Variants in CTNND1 observed in about 807,000 individuals in gnomAD.
The protein encoded by CTNND1 is catenin delta 1, also known as catenin delta-1.
CTNND1 carries 16 observed loss-of-function variants against 112.1 expected under a neutral mutation model. The ratio of observed to expected loss-of-function variants is 0.14; its 90% CI spans 0.10 to 0.22. The LOEUF is 0.22. Among genes scored for constraint, CTNND1 ranks in the 10% least tolerant of loss-of-function variants. CTNND1 has a pLI of 1.00. For synonymous variants in CTNND1, 420 were observed against 446.5 expected, an observed-to-expected ratio of 0.94 and a Z score of 0.75; for missense variants, 1,008 against 1,257.0, an observed-to-expected ratio of 0.80 and a Z score of 3.00.
intron 1 of CTNND1, among the ~76,000 whole-genome samples, chr11:57,787,864 T>G (rs1459736829): frequency 6.6e-6 from 1 of 152,252 alleles, no homozygotes. Context: ...CTAATGTTTC[T>G]CCAGATACTG....
intron 11 of CTNND1, 64 bp from the exon 12 acceptor site, chr11:57,806,851 C>T (rs1048642630): frequency 1.5e-6 from 2 of 1,354,804 alleles, no homozygotes; most frequent in Non-Finnish European, 2.1e-6. Context: ...AAAAATGTGC[C>T]AGGTGGAATC....
intron 1 of CTNND1, among the ~76,000 whole-genome samples, chr11:57,779,571 C>T (rs2059359134): frequency 6.6e-6 from 1 of 152,222 alleles, no homozygotes; most frequent in Non-Finnish European, 1.5e-5. Context: ...TGCTAACATA[C>T]CACTAGAACA....
chr11:57,761,955 C>G lies in CTNND1; in HGVS notation c.-378C>G. On this transcript the variant is annotated 5_prime_UTR_variant, in exon 1 of 21. The change creates a new upstream start codon in the 5' untranslated region. Transcript: ENST00000399050. ...AAAGGAGGAAGAGGTGGCGAAAAAT[C>G]AACTGCCCTGCTGGATTTGTCTTTC... 1.0e-6 allele frequency: 1 copy of G among 985,436 alleles called. No homozygotes were observed. Among genetic ancestry groups the G allele is most frequent in the Non-Finnish European group, 1.2e-6 (1 of 829,950 alleles). The allele number at this position is 985,436 out of a possible 1,614,324, so 61.0% of individuals were successfully genotyped here. A position where few individuals can be genotyped will look rare whatever the true frequency, so the allele number is the denominator to read the frequency against.
In CTNND1 at chr11:57,770,996, A is replaced by C. The variant is rs746316361; in HGVS notation, c.-214+8877A>C. ...CTGCTCTCTATTGACTACTTTGTTA[A>C]CTGGGGCACAGTTGGCCTCTTGGAT... is the stretch of plus-strand genomic sequence containing the variant. On this transcript the variant is annotated intron_variant, in intron 1 of 20. Transcript: ENST00000399050. Among the ~76,000 whole-genome samples, 86 of 152,138 alleles carry C rather than the reference A, an allele frequency of 5.7e-4. 1 individual carries two copies. The highest frequency in any genetic ancestry group is 9.3e-4 in the Non-Finnish European group (63 of 68,030).
chr11:57,797,957 C>T (rs1317902417), intron 6 of CTNND1, among the ~76,000 whole-genome samples: 1 of 151,804 alleles, frequency 6.6e-6, no homozygotes, highest in African/African-American at 2.4e-5. Context: ...AAGATGTGAC[C>T]CCCTTTTGGT....
At position 57,776,249 on chromosome 11, in the gene CTNND1, G is replaced by A. The variant is rs1208310327; in HGVS notation, c.-213-12788G>A. On this transcript the variant is annotated intron_variant, in intron 1 of 20. Transcript: ENST00000399050. ...CTGAGGTCTCAGGAGGGGAGGGAGC[G>A]AGGGAGGGTGGTGGTGGAAACAGCT... is the stretch of plus-strand genomic sequence containing the variant. Among the ~76,000 whole-genome samples the A allele has an allele frequency of 4.6e-5, 7 of 152,266 alleles. No individual in the cohort carries two copies. In the South Asian group the frequency reaches 8.3e-4, roughly 18 times the overall value.
chr11:57,793,945 G>C (rs11570192), intron 3 of CTNND1, 65 bp from the exon 4 acceptor site: 1 of 1,527,968 alleles, frequency 6.5e-7, no homozygotes, highest in African/African-American at 1.4e-5. Context: ...AAAAAAGATC[G>C]TTTGTATTTG....
At position 57,782,136 on chromosome 11, in the gene CTNND1, T is replaced by C. The variant is rs141568292; in HGVS notation, c.-213-6901T>C. On this transcript the variant is annotated intron_variant, in intron 1 of 20. Coordinates refer to ENST00000399050, the MANE Select transcript of CTNND1 (RefSeq NM_001085458.2). ...GAGTTTAAGGTACCCTGTTGATGTA[T>C]AGAGGTTGCCAGCTCAAATTCCTTT... Among the ~76,000 whole-genome samples, 1,128 of 152,210 alleles carry C rather than the reference T, an allele frequency of 7.4e-3. 9 individuals carry two copies. The highest frequency in any genetic ancestry group is 0.013 in the Non-Finnish European group (890 of 68,010).
intron 1 of CTNND1, among the ~76,000 whole-genome samples, chr11:57,784,802 G>T (rs555125140): frequency 6.6e-6 from 1 of 152,108 alleles, no homozygotes; most frequent in African/African-American, 2.4e-5. Context: ...CGTGGTGCCC[G>T]GCCATGACAT....
chr11:57,808,647 C>A (rs911036894), intron 14 of CTNND1, 107 bp downstream of exon 14: 1 of 1,084,624 alleles, frequency 9.2e-7, no homozygotes, highest in Non-Finnish European at 1.2e-6. Context: ...AAGGGAAGGA[C>A]CCTCCCCCGC....
intron 6 of CTNND1, among the ~76,000 whole-genome samples, chr11:57,797,461 C>T (rs1240600181): frequency 1.4e-5 from 2 of 147,838 alleles, no homozygotes; most frequent in African/African-American, 4.9e-5. Flanking sequence ...AAACTCCCGA[C>T]CTCTGGTGAT....
chr11:57,787,301 A>C (rs930106728), intron 1 of CTNND1, among the ~76,000 whole-genome samples: 1 of 152,204 alleles, frequency 6.6e-6, no homozygotes, highest in Non-Finnish European at 1.5e-5. Flanking sequence ...TCTAGTAAAT[A>C]GATTAGGAGT....
intron 17 of CTNND1, among the ~76,000 whole-genome samples, chr11:57,813,135 A>G (rs2063567320): frequency 6.6e-6 from 1 of 152,086 alleles, no homozygotes; most frequent in Non-Finnish European, 1.5e-5. Context: ...GTTTGAGACC[A>G]GCCTGAGCAA....
intron 6 of CTNND1, among the ~76,000 whole-genome samples, chr11:57,798,294 C>G (rs1340861841): frequency 6.7e-6 from 1 of 148,264 alleles, no homozygotes; most frequent in Non-Finnish European, 1.5e-5. Flanking sequence ...CTGTAGTGAG[C>G]CGAGATCCCG....
At position 57,815,907 on chromosome 11, in the gene CTNND1, G is replaced by A; in HGVS notation, c.2809-8G>A. On this transcript the variant is annotated splice_region_variant and splice_polypyrimidine_tract_variant and intron_variant, in intron 19 of 20. Transcript: ENST00000399050. The stretch of plus-strand genomic sequence containing the variant: ...CTACTCATACTAACAAATTGCATGT[G>A]TTCACAGCAGGACGAGGGGCAGGAA... The A allele has an allele frequency of 6.2e-7, 1 of 1,605,974 alleles. No homozygotes were observed. Among genetic ancestry groups the A allele is most frequent in the Non-Finnish European group, 8.5e-7 (1 of 1,177,366 alleles).
intron 1 of CTNND1, among the ~76,000 whole-genome samples, chr11:57,764,688 G>A (rs117331991): frequency 0.027 from 4,051 of 152,234 alleles, 75 homozygotes; most frequent in Non-Finnish European, 0.041. Flanking sequence ...GAGAAGCTGA[G>A]GTTTGGTGAA....
At position 57,770,206 on chromosome 11, in the gene CTNND1, T is replaced by G. The variant is rs191136949; in HGVS notation, c.-214+8087T>G. ...TTAGCCGGGCGTGGTGGCGGGCGCC[T>G]GTAATCCCAGCTACTCGGGAAGCTG... On this transcript the variant is annotated intron_variant, in intron 1 of 20. Coordinates refer to ENST00000399050, the MANE Select transcript of CTNND1 (RefSeq NM_001085458.2). Among the ~76,000 whole-genome samples, 778 of 152,020 alleles carry G rather than the reference T, an allele frequency of 5.1e-3. 8 individuals are homozygous for G. The highest frequency in any genetic ancestry group is 0.018 in the African/African-American group (744 of 41,438).
rs1404871587 is a variant in CTNND1, at chr11:57,808,376, A to G, written c.2092-14A>G. On this transcript the variant is annotated splice_polypyrimidine_tract_variant and intron_variant, in intron 13 of 20. Coordinates refer to ENST00000399050, the MANE Select transcript of CTNND1 (RefSeq NM_001085458.2). ...TTTGTAATTTGTTCCACCCCTTTCT[A>G]TTTGCTATTCTAGTATGGTCGATAC... is the stretch of plus-strand genomic sequence containing the variant. The G allele has an allele frequency of 3.1e-6, 5 of 1,598,154 alleles. No individual in the cohort carries two copies. In the African/African-American group the frequency reaches 4.0e-5, roughly 13 times the overall value.
Position 57,814,128 on chromosome 11 carries a change from A to G in CTNND1, c.2639-183A>G, listed in dbSNP as rs2063683533. 8.9e-6 allele frequency: 5 copies of G among 564,600 alleles called. No individual in the cohort carries two copies. The Admixed American group carries it at 1.4e-4, about 16-fold the overall frequency. 35.0% of individuals were successfully genotyped at this position (564,600 alleles called of 1,614,324 possible). A position where few individuals can be genotyped will look rare whatever the true frequency, so the allele number is the denominator to read the frequency against. On this transcript the variant is annotated intron_variant, in intron 17 of 20. Coordinates refer to ENST00000399050, the MANE Select transcript of CTNND1 (RefSeq NM_001085458.2). ...CCAGGAGTTTCAGACCAGCCTGAGC[A>G]ACATAGTGAGACCTCATCTCTACAA...
Sources: allele counts gnomAD v4.1 joint callset (sites outside exome capture counted in the v4.1 genomes callset), GRCh38; gene constraint gnomAD v4.1.1; transcripts MANE v1.5; gene names NCBI Gene and HGNC (gene_info 2026-07-23, HGNC 2026-07-21).